MYO16: variants seen among roughly 807,000 people sequenced by gnomAD.
MYO16 encodes the protein myosin XVI.
In MYO16, 94 loss-of-function variants were observed where a neutral mutation model predicts 205.3. The ratio of observed to expected loss-of-function variants is 0.46; its 90% CI spans 0.39 to 0.54. The LOEUF is 0.54. MYO16 is among the 20% of genes least tolerant of loss of function. The pLI, the probability that MYO16 is intolerant of heterozygous loss-of-function variation, is 0.00. For missense variants in MYO16, 2,315 were observed against 2,387.5 expected (o/e 0.97, Z 0.63); for synonymous variants, 988 against 954.0 (o/e 1.04, Z -0.66).
intron 1 of MYO16, among the ~76,000 whole-genome samples, chr13:108,640,014 A>G (rs73604756): frequency 0.068 from 10,383 of 152,294 alleles, 569 homozygotes; most frequent in African/African-American, 0.15. Context: ...AGAGCTGTCC[A>G]GTATGTAGCC....
chr13:108,663,613 AC>A (rs1349117763), intron 1 of MYO16, among the ~76,000 whole-genome samples: 1 of 152,148 alleles, frequency 6.6e-6, no homozygotes, highest in African/African-American at 2.4e-5. Flanking sequence ...TTTAAGAGCC[AC>A]CCTCTACATT....
chr13:108,845,294 G>A (rs1451363431), intron 10 of MYO16, among the ~76,000 whole-genome samples: 1 of 152,056 alleles, frequency 6.6e-6, no homozygotes, highest in Non-Finnish European at 1.5e-5. Flanking sequence ...AATTTTAGCA[G>A]GTGTATTCAT....
chr13:109,083,606 A>C (rs901322985), intron 27 of MYO16, among the ~76,000 whole-genome samples: 1 of 152,128 alleles, frequency 6.6e-6, no homozygotes, highest in Non-Finnish European at 1.5e-5. Context: ...AATACCAAGA[A>C]TCAAAAGCTC....
chr13:108,766,356 G>C lies in MYO16; in HGVS notation c.508-19279G>C, dbSNP rs528183096. Among the ~76,000 whole-genome samples the C allele has an allele frequency of 5.9e-5, 9 of 152,252 alleles. No homozygotes were observed. In the South Asian group the frequency reaches 1.2e-3, roughly 21 times the overall value. On this transcript the variant is annotated intron_variant, in intron 4 of 34. Transcript: ENST00000457511. ...GCTGGTTATCAAGAATAATTCCCTC[G>C]TTTATTTTCTGCAGGTGCACATGCT... is the stretch of plus-strand genomic sequence containing the variant.
At chr13:109,145,952 T>A (rs1456506667) in intron 32 of MYO16, among the ~76,000 whole-genome samples, 1 of 152,190 alleles carries the variant, frequency 6.6e-6, no homozygotes. Context: ...AAATATTTTT[T>A]AAAAATTCAG....
chr13:108,889,960 C>T (rs927624840), intron 14 of MYO16, among the ~76,000 whole-genome samples: 4 of 152,108 alleles, frequency 2.6e-5, no homozygotes, highest in African/African-American at 9.7e-5. Context: ...GAGACAGGGT[C>T]TTGCTCTGTC....
chr13:108,665,826 T>C, intron 1 of MYO16, 60 bp from the exon 2 acceptor site: 2 of 1,514,590 alleles, frequency 1.3e-6, no homozygotes, highest in Non-Finnish European at 9.0e-7. Flanking sequence ...TGTGCTGTGG[T>C]GCACACTTAT....
chr13:108,860,615 A>G (rs112226442), intron 11 of MYO16, among the ~76,000 whole-genome samples: 2,039 of 152,242 alleles, frequency 0.013, 50 homozygotes, highest in African/African-American at 0.046. Context: ...GAACTAATTT[A>G]CACTCCCAAC....
At chr13:108,958,148 T>G (rs926956083) in intron 17 of MYO16, among the ~76,000 whole-genome samples, 4 of 144,576 alleles carry the variant, frequency 2.8e-5, no homozygotes, top group African/African-American at 1.0e-4. Context: ...TAAATATATA[T>G]TTATAATATA....
intron 15 of MYO16, among the ~76,000 whole-genome samples, chr13:108,901,785 A>G (rs1354270918): frequency 6.6e-6 from 1 of 152,022 alleles, no homozygotes; most frequent in African/African-American, 2.4e-5. Context: ...TATGTTTTTT[A>G]TTTAAGAGTA....
intron 9 of MYO16, among the ~76,000 whole-genome samples, chr13:108,829,932 A>G (rs939211495): frequency 5.3e-5 from 8 of 150,018 alleles, no homozygotes; most frequent in Non-Finnish European, 3.0e-5. Context: ...AAACAACCCC[A>G]TCAAAAAGTG....
chr13:108,907,792 A>C (rs1401768990), intron 15 of MYO16, among the ~76,000 whole-genome samples: 1 of 152,124 alleles, frequency 6.6e-6, no homozygotes, highest in Non-Finnish European at 1.5e-5. Flanking sequence ...CATGATGTGG[A>C]ATTTGATTAG....
chr13:109,164,911 T>C lies in MYO16; in HGVS notation c.5175T>C (p.Thr1725=), dbSNP rs1166879329. 6.4e-7 allele frequency: 1 copy of C among 1,565,712 alleles called. No homozygotes were observed. The highest frequency in any genetic ancestry group is 2.0e-5 in the Admixed American group (1 of 49,184). ...TAAAATTTATTTTAGGTTTTGAAACTAACATGAACATAAGTAGCCGAGATG... is the reference window on the plus strand; with the variant it reads ...TAAAATTTATTTTAGGTTTTGAAACCAACATGAACATAAGTAGCCGAGATG... The part of the protein sequence containing the change: ...RKIREAEGFE[T]NMNISSRDDP... The change falls in exon 33 of 35, where the codon ACT becomes ACC. Residue 1725 remains threonine, a synonymous_variant. Coordinates refer to ENST00000457511, the MANE Select transcript of MYO16 (RefSeq NM_001198950.3).
chr13:108,696,684 A>T (rs1883103284), intron 2 of MYO16, among the ~76,000 whole-genome samples: 1 of 152,198 alleles, frequency 6.6e-6, no homozygotes, highest in Non-Finnish European at 1.5e-5. Flanking sequence ...ATATACAGGT[A>T]AACATTAATT....
At chr13:108,844,552 A>G in intron 10 of MYO16, 59 bp downstream of exon 10, 1 of 1,468,892 alleles carries the variant, frequency 6.8e-7, no homozygotes, top group Non-Finnish European at 9.2e-7. Context: ...AATGTATTAT[A>G]AAATCCAACA....
intron 5 of MYO16, among the ~76,000 whole-genome samples, chr13:108,791,369 C>T (rs1031886246): frequency 2.6e-5 from 4 of 152,146 alleles, no homozygotes; most frequent in African/African-American, 9.7e-5. Flanking sequence ...ATATGACACA[C>T]CTAAATGAGA....
At chr13:109,203,888 C>T (rs1008077361) in intron 34 of MYO16, among the ~76,000 whole-genome samples, 1 of 152,158 alleles carries the variant, frequency 6.6e-6, no homozygotes, top group Non-Finnish European at 1.5e-5. Context: ...CCCCTGTGGA[C>T]GATGGCTGTG....
the MYO16 span, among the ~76,000 whole-genome samples, chr13:108,533,912 A>G: frequency 9.9e-5 from 15 of 152,218 alleles, no homozygotes; most frequent in Non-Finnish European, 8.8e-5. Flanking sequence ...ATACTGGAAC[A>G]TTTTTCCTTA....
chr13:108,627,626 A>G (rs772211624), upstream of MYO16, among the ~76,000 whole-genome samples: 9 of 152,164 alleles, frequency 5.9e-5, no homozygotes. Flanking sequence ...TGAGATGTTA[A>G]TTCTCACGGG....
Sources: allele counts gnomAD v4.1 joint callset (sites outside exome capture counted in the v4.1 genomes callset), GRCh38; gene constraint gnomAD v4.1.1; transcripts MANE v1.5; gene names NCBI Gene and HGNC (gene_info 2026-07-23, HGNC 2026-07-21).